The following EPB41L4A variants were observed in gnomAD, a reference collection of about 807,000 sequenced individuals.
EPB41L4A encodes the protein erythrocyte membrane protein band 4.1 like 4A.
EPB41L4A carries 100 observed loss-of-function variants against 108.6 expected under a neutral mutation model. The observed-to-expected ratio is 0.92, with a 90% CI of 0.78 to 1.09. The LOEUF (loss-of-function observed/expected upper bound fraction) is 1.09, where lower values mean the gene tolerates loss of function less well. Ranked by LOEUF, EPB41L4A falls within the 50% of genes least tolerant of loss-of-function variation. The pLI is 0.00. For missense variants in EPB41L4A, 1,030 were observed against 842.7 expected, an observed-to-expected ratio of 1.22 and a Z score of -2.75; for synonymous variants, 319 against 289.0, an observed-to-expected ratio of 1.10 and a Z score of -1.05.
chr5:112,216,258 T>C (rs1350561253), intron 12 of EPB41L4A, among the ~76,000 whole-genome samples: 1 of 152,212 alleles, frequency 6.6e-6, no homozygotes, highest in Non-Finnish European at 1.5e-5. Flanking sequence ...TATACACGTA[T>C]TTTCAATTAC....
intron 1 of EPB41L4A, among the ~76,000 whole-genome samples, chr5:112,356,375 G>C (rs1411602378): frequency 6.6e-6 from 1 of 152,066 alleles, no homozygotes; most frequent in Non-Finnish European, 1.5e-5. Context: ...TTACCACTTT[G>C]GTCTATGCAG....
At position 112,176,807 on chromosome 5, in the gene EPB41L4A, T is replaced by G. The variant is rs143845427; in HGVS notation, c.1623-5815A>C. Among the ~76,000 whole-genome samples, 624 of 134,132 alleles carry G rather than the reference T, an allele frequency of 4.7e-3. 8 individuals carry two copies. Among genetic ancestry groups the G allele is most frequent in the African/African-American group, 0.016 (562 of 34,626 alleles). 88.0% of individuals were successfully genotyped at this position (134,132 alleles called of 152,430 possible). On this transcript the variant is annotated intron_variant, in intron 18 of 22. Transcript: ENST00000261486. ...TTCACTCCTGTTGCCCAGGCTGAAG[T>G]GCAATGGCGCCATCTCGGCTTACTG... is the stretch of plus-strand genomic sequence containing the variant.
intron 1 of EPB41L4A, among the ~76,000 whole-genome samples, chr5:112,366,372 G>T (rs1759119782): frequency 6.6e-6 from 1 of 152,024 alleles, no homozygotes; most frequent in Non-Finnish European, 1.5e-5. Flanking sequence ...AAGCAACTGA[G>T]GAGAGTTAAT....
At chr5:112,406,472 G>T (rs1762077035) in intron 1 of EPB41L4A, among the ~76,000 whole-genome samples, 1 of 152,054 alleles carries the variant, frequency 6.6e-6, no homozygotes, top group Admixed American at 6.6e-5. Context: ...ATTCTGAAAA[G>T]AAATTCCACG....
At chr5:112,350,319 G>T (rs55845736) in intron 1 of EPB41L4A, among the ~76,000 whole-genome samples, 18,967 of 152,164 alleles carry the variant, frequency 0.12, 1,316 homozygotes, top group Non-Finnish European at 0.15. Flanking sequence ...ACTTTAATTA[G>T]TTGGGCATGT....
intron 12 of EPB41L4A, among the ~76,000 whole-genome samples, chr5:112,230,683 T>A (rs1748849125): frequency 7.0e-6 from 1 of 143,132 alleles, no homozygotes; most frequent in Non-Finnish European, 1.5e-5. Flanking sequence ...GGGTTGACTG[T>A]TTACTCTGAT....
At chr5:112,325,334 G>C (rs1004376425) in intron 1 of EPB41L4A, among the ~76,000 whole-genome samples, 2 of 152,022 alleles carry the variant, frequency 1.3e-5, no homozygotes, top group Non-Finnish European at 2.9e-5. Flanking sequence ...CCAGCTACTT[G>C]GGAGGCTGAG....
At chr5:112,394,525 A>T (rs1237313275) in intron 1 of EPB41L4A, among the ~76,000 whole-genome samples, 1 of 152,194 alleles carries the variant, frequency 6.6e-6, no homozygotes, top group African/African-American at 2.4e-5. Context: ...TAGGAATCCA[A>T]CTTGCAAGGG....
chr5:112,373,409 CCT>C (rs1759620277), intron 1 of EPB41L4A, among the ~76,000 whole-genome samples: 2 of 152,216 alleles, frequency 1.3e-5, no homozygotes, highest in African/African-American at 4.8e-5. Context: ...GGTATGGTTT[CCT>C]CTCTCCCTAT....
At chr5:112,259,192 C>A in intron 9 of EPB41L4A, 37 bp downstream of exon 9, 1 of 1,471,884 alleles carries the variant, frequency 6.8e-7, no homozygotes, top group Non-Finnish European at 9.5e-7. Flanking sequence ...CACAAGACAC[C>A]CCTCTTCTAA....
chr5:112,269,760 AAT>A (rs1485716104), intron 4 of EPB41L4A, among the ~76,000 whole-genome samples: 3 of 152,206 alleles, frequency 2.0e-5, no homozygotes, highest in Non-Finnish European at 1.5e-5. Context: ...GCTAACTAAA[AAT>A]ATCTACTTAA....
Position 112,205,510 on chromosome 5 carries a change from ATTTT to A in EPB41L4A, c.1179-10_1179-7del. The A allele has an allele frequency of 6.3e-7, 1 of 1,584,242 alleles. No homozygotes were observed. The highest frequency in any genetic ancestry group is 1.8e-5 in the Admixed American group (1 of 55,762). ...CATTCTTTGCTTTCTTAAAGCTTTAATTTTAAAAAAAAGTATGAGAAATAAATTA... is the reference window on the plus strand; with the variant it reads ...CATTCTTTGCTTTCTTAAAGCTTTAAAAAAAAAAGTATGAGAAATAAATTA... On this transcript the variant is annotated splice_polypyrimidine_tract_variant and splice_region_variant and intron_variant, in intron 13 of 22. Transcript: ENST00000261486.
chr5:112,192,146 G>A (rs1029295601), intron 17 of EPB41L4A: 6 of 152,300 alleles, frequency 3.9e-5, no homozygotes, highest in Admixed American at 3.3e-4. Context: ...ATCCTCATGT[G>A]GGATGAGTGG....
chr5:112,314,536 A>AG (rs1580668401), intron 1 of EPB41L4A, among the ~76,000 whole-genome samples: 2 of 113,550 alleles, frequency 1.8e-5, no homozygotes, highest in African/African-American at 6.8e-5. Flanking sequence ...AAAAAAAAAA[A>AG]AAGAAAAGAA....
intron 2 of EPB41L4A, among the ~76,000 whole-genome samples, chr5:112,283,100 G>A (rs1358553733): frequency 6.6e-6 from 1 of 152,096 alleles, no homozygotes; most frequent in Non-Finnish European, 1.5e-5. Context: ...GATTAAATTT[G>A]AGAGGTGAAA....
intron 1 of EPB41L4A, among the ~76,000 whole-genome samples, chr5:112,398,062 T>C (rs553763631): frequency 4.6e-5 from 7 of 152,328 alleles, no homozygotes; most frequent in African/African-American, 1.7e-4. Context: ...GCACACAGCA[T>C]GTTCATACAA....
intron 1 of EPB41L4A, among the ~76,000 whole-genome samples, chr5:112,399,434 G>A (rs146024239): frequency 7.7e-4 from 118 of 152,338 alleles, no homozygotes; most frequent in African/African-American, 2.8e-3. Flanking sequence ...GAGGCAGTGT[G>A]TCAGCCGGCT....
At chr5:112,238,686 C>T (rs868281469) in intron 11 of EPB41L4A, among the ~76,000 whole-genome samples, 46 of 152,268 alleles carry the variant, frequency 3.0e-4, no homozygotes, top group African/African-American at 1.1e-3. Context: ...TGGCATCTCC[C>T]CACCCTGCTT....
chr5:112,304,047 T>A (rs1022749703), intron 2 of EPB41L4A, among the ~76,000 whole-genome samples: 1 of 151,888 alleles, frequency 6.6e-6, no homozygotes, highest in African/African-American at 2.4e-5. Context: ...AGCAACTAAG[T>A]GTGTTTGGGG....
Sources: allele counts gnomAD v4.1 joint callset (sites outside exome capture counted in the v4.1 genomes callset), GRCh38; gene constraint gnomAD v4.1.1; transcripts MANE v1.5; gene names NCBI Gene and HGNC (gene_info 2026-07-23, HGNC 2026-07-21).